Variants in MON1A observed in about 807,000 individuals in gnomAD.
MON1A encodes MON1 vesicular trafficking associated A, also known as vacuolar fusion protein MON1 homolog A.
Under a neutral mutation model 44.6 loss-of-function variants are expected in MON1A, and 29 were observed. That is an observed-to-expected ratio of 0.65 (90% CI 0.48 to 0.89). MON1A has a LOEUF of 0.89. MON1A is among the 40% of genes least tolerant of loss of function. The pLI is 0.00. For synonymous variants in MON1A, 275 were observed against 316.4 expected (o/e 0.87, Z 1.39); for missense variants, 615 against 759.6 (o/e 0.81, Z 2.24).
Position 49,929,664 on chromosome 3 carries a change from G to A in MON1A, c.-69C>T. On this transcript the variant is annotated 5_prime_UTR_variant, in exon 1 of 6. Transcript: ENST00000296473. Reference sequence around the variant, plus strand: ...AAGGTGCCGGTCACTGCCCTCTGCCGGACCCATGGAGGGGTAAGGGTGTCC... The same window carrying A: ...AAGGTGCCGGTCACTGCCCTCTGCCAGACCCATGGAGGGGTAAGGGTGTCC... 20 of 1,551,366 alleles carry A rather than the reference G, an allele frequency of 1.3e-5. No individual in the cohort carries two copies. The highest frequency in any genetic ancestry group is 2.0e-5 in the Admixed American group (1 of 51,006).
chr3:49,929,460 G>T, intron 1 of MON1A, 149 bp downstream of exon 1: 1 of 915,474 alleles, frequency 1.1e-6, no homozygotes, highest in Non-Finnish European at 1.7e-6. Context: ...GGACTAGCCG[G>T]CTGAGGGACC....
Position 49,910,781 on chromosome 3 carries a change from G to A in MON1A, c.717C>T (p.Ile239=), listed in dbSNP as rs927084702. 5 of 1,614,008 alleles carry A rather than the reference G, an allele frequency of 3.1e-6. No homozygotes were observed. The highest frequency in any genetic ancestry group is 2.7e-5 in the African/African-American group (2 of 74,936). The change falls in exon 4 of 6, where the codon ATC becomes ATT. Residue 239 remains isoleucine (I), a synonymous_variant. Coordinates refer to ENST00000296473, the MANE Select transcript of MON1A (RefSeq NM_032355.4). This position sits in a 1 kb window ranked among gnomAD's most constrained non-coding sequence, Gnocchi z 8.0. The stretch of plus-strand genomic sequence containing the variant: ...TAAGAAGGCTTAGGATCTGGTAGTA[G>A]ATGTAGAGCAGCTCCTGCGCCAGCT... The part of the protein sequence containing the change: ...AQELAQELLY[I]YYQILSLLTG...
rs2083075722 is a variant in MON1A at position 49,929,417 on chromosome 3, T to C, written c.-14+192A>G. The C allele has an allele frequency of 2.2e-5, 15 of 692,744 alleles. No homozygotes were observed. In the South Asian group the frequency reaches 2.6e-4, roughly 12 times the overall value. The allele number at this position is 692,744 out of a possible 1,614,324, so 42.9% of individuals were successfully genotyped here. A position where few individuals can be genotyped will look rare whatever the true frequency, so the allele number is the denominator to read the frequency against. On this transcript the variant is annotated intron_variant, in intron 1 of 5. Coordinates refer to ENST00000296473, the MANE Select transcript of MON1A (RefSeq NM_032355.4). ...CTCGCCCTCCCAGCCAAAGGATGGG[T>C]TCCAGATCTCGCCTTTTGTATTCCC...
In MON1A at chr3:49,909,334, G is replaced by A. The variant is rs1426520293; in HGVS notation, c.1446C>T (p.Tyr482=). Residue 482 remains tyrosine, a synonymous_variant, in exon 5 of 6, where the codon TAC becomes TAT. Coordinates refer to ENST00000296473, the MANE Select transcript of MON1A (RefSeq NM_032355.4). This position sits in a 1 kb window ranked among gnomAD's most constrained non-coding sequence, Gnocchi z 4.0. The part of the protein sequence containing the change: ...EQERLLGLYQ[Y]LHSRAHNASR... ...AGGCATTGTGGGCACGACTGTGCAA[G>A]TACTGGTAGAGGCCCAGCAGCCGCT... 1 of 1,613,964 alleles carries A rather than the reference G, an allele frequency of 6.2e-7. No individual in the cohort carries two copies. Among genetic ancestry groups the A allele is most frequent in the Non-Finnish European group, 8.5e-7 (1 of 1,180,018 alleles).
At position 49,909,392 on chromosome 3, in the gene MON1A, A is replaced by G. The variant is rs765508531; in HGVS notation, c.1388T>C (p.Ile463Thr). 1.2e-6 allele frequency: 2 copies of G among 1,614,058 alleles called. No individual in the cohort carries two copies. The highest frequency in any genetic ancestry group is 1.1e-5 in the South Asian group (1 of 91,082). ...KSSGLFTSPE[I>T]EAPYTSEEEQ... ...CTCTTCACTGGTGTATGGGGCCTCA[A>G]TCTCAGGGCTGCAGACAGGGTGGAG... Residue 463 changes from isoleucine to threonine, a missense_variant, in exon 5 of 6, where the codon ATT becomes ACT. Ile to Thr is a moderately conservative substitution (Grantham distance 89, BLOSUM62 -1). Coordinates refer to ENST00000296473, the MANE Select transcript of MON1A (RefSeq NM_032355.4). The surrounding 1 kb of genome is among the most constrained non-coding windows in gnomAD (Gnocchi z 4.0).
intron 1 of MON1A, among the ~76,000 whole-genome samples, chr3:49,918,196 G>A (rs978264037): frequency 6.6e-6 from 1 of 151,928 alleles, no homozygotes; most frequent in African/African-American, 2.4e-5. Context: ...AATTAGCCAG[G>A]TGTGGTGGCA....
rs1270934378 is a variant in MON1A at position 49,910,540 on chromosome 3, A to C, written c.958T>G (p.Phe320Val). ...TGGTTGCGGGCCAGCAGGATGGAGAAGACCAGGCTGCGCGCACGCGCCTGC... is the reference window on the plus strand; with the variant it reads ...TGGTTGCGGGCCAGCAGGATGGAGACGACCAGGCTGCGCGCACGCGCCTGC... The part of the protein sequence containing the change: ...LQQARARSLV[F>V]SILLARNQLV... Residue 320 changes from phenylalanine to valine, a missense_variant, in exon 4 of 6, where the codon TTC becomes GTC. By Grantham distance (50) the Phe-to-Val change is conservative. Coordinates refer to ENST00000296473, the MANE Select transcript of MON1A (RefSeq NM_032355.4). This position sits in a 1 kb window ranked among gnomAD's most constrained non-coding sequence, Gnocchi z 8.0. The C allele has an allele frequency of 3.7e-6, 6 of 1,613,590 alleles. No homozygotes were observed. Among genetic ancestry groups the C allele is most frequent in the Non-Finnish European group, 4.2e-6 (5 of 1,179,774 alleles).
In MON1A at chr3:49,911,792, C is replaced by T. The variant is rs751517564; in HGVS notation, c.347G>A (p.Ser116Asn). ...TGGGGGTTCCAGCCAATCCTCAGAGCTTCCTGGCAGCATCTCCTCCTGCAG... is the reference window on the plus strand; with the variant it reads ...TGGGGGTTCCAGCCAATCCTCAGAGTTTCCTGGCAGCATCTCCTCCTGCAG... Reference protein sequence around the residue: ...RDLQEEMLPGSSEDWLEPPGA... With the variant: ...RDLQEEMLPGNSEDWLEPPGA... The change falls in exon 3 of 6, where the codon AGC (serine) becomes AAC (asparagine). Residue 116 changes from serine to asparagine, a missense_variant. Ser to Asn is a conservative substitution (Grantham distance 46). Transcript: ENST00000296473. This position sits in a 1 kb window ranked among gnomAD's most constrained non-coding sequence, Gnocchi z 5.7. The T allele has an allele frequency of 8.7e-6, 14 of 1,613,788 alleles. No individual in the cohort carries two copies. In the South Asian group the frequency reaches 1.5e-4, roughly 18 times the overall value.
intron 1 of MON1A, among the ~76,000 whole-genome samples, chr3:49,922,993 G>A (rs1043682973): frequency 6.6e-6 from 1 of 151,522 alleles, no homozygotes; most frequent in Admixed American, 6.6e-5. Context: ...ACAGGTGTGA[G>A]CCACCACACC....
chr3:49,920,155 A>G (rs1459126866), intron 1 of MON1A, among the ~76,000 whole-genome samples: 1 of 152,168 alleles, frequency 6.6e-6, no homozygotes, highest in Non-Finnish European at 1.5e-5. Context: ...TGCTCCCATC[A>G]AGGTCACCAA....
intron 1 of MON1A, among the ~76,000 whole-genome samples, chr3:49,918,350 C>CA (rs902779750): frequency 4.7e-5 from 7 of 149,170 alleles, no homozygotes; most frequent in South Asian, 4.3e-4. Context: ...AAAAAAAGAA[C>CA]AAAAAAAAAG....
rs772674021 is a variant in MON1A, at chr3:49,913,337, CA to C, written c.9del (p.Asp4ThrfsTer15). 5 of 1,611,990 alleles carry C rather than the reference CA, an allele frequency of 3.1e-6. No homozygotes were observed. The highest frequency in any genetic ancestry group is 3.4e-6 in the Non-Finnish European group (4 of 1,178,188). On this transcript the variant is annotated frameshift_variant, in exon 2 of 6. Transcript: ENST00000296473. LOFTEE classifies it high-confidence loss of function. Reference sequence around the variant, plus strand: ...TCGCTGCTTCTCTTCCTCTGCATGTCAGTAGCCATCCTTTGAGCTCTCCTGT... The same window carrying C: ...TCGCTGCTTCTCTTCCTCTGCATGTCGTAGCCATCCTTTGAGCTCTCCTGT... MA[T>X]DMQRKRSSEC...
In MON1A at chr3:49,910,827, C is replaced by G. The variant is rs1317549955; in HGVS notation, c.671G>C (p.Arg224Pro). 6.2e-7 allele frequency: 1 copy of G among 1,609,996 alleles called. No homozygotes were observed. Among genetic ancestry groups the G allele is most frequent in the East Asian group, 2.2e-5 (1 of 44,866 alleles). Residue 224 changes from arginine (R) to proline (P), a missense_variant, in exon 4 of 6, where the codon CGT becomes CCT. Arg to Pro is a moderately radical substitution (Grantham distance 103). Coordinates refer to ENST00000296473, the MANE Select transcript of MON1A (RefSeq NM_032355.4). This position sits in a 1 kb window ranked among gnomAD's most constrained non-coding sequence, Gnocchi z 8.0. Reference protein sequence around the residue: ...RSPLVLVAVARTRQSAQELAQ... With the variant: ...RSPLVLVAVAPTRQSAQELAQ... The stretch of plus-strand genomic sequence containing the variant: ...CAGCTCTTGTGCCGACTGCCGCGTA[C>G]GAGCCACCGCCACTAGCACCAGCGG...
intron 2 of MON1A, 40 bp downstream of exon 2, chr3:49,913,180 T>C: frequency 6.2e-7 from 1 of 1,614,166 alleles, no homozygotes; most frequent in Non-Finnish European, 8.5e-7. Context: ...TGGAGACTGC[T>C]CTGGTTGGCA....
At chr3:49,913,658 G>GTTTTTTTTTTTTTTT (rs1559493127) in intron 1 of MON1A, among the ~76,000 whole-genome samples, 114 of 121,396 alleles carry the variant, frequency 9.4e-4, no homozygotes, top group African/African-American at 1.3e-3. Flanking sequence ...TTTCCTTCTA[G>GTTTTTTTTTTTTTTT]TATTTTTTTT....
Position 49,911,876 on chromosome 3 carries a change from C to G in MON1A, c.263G>C (p.Arg88Pro), listed in dbSNP as rs375068093. ...CTCGCTAAAGTCCTGGCTGATCTGGCGCATGTCTGTAGGCAGCGGCGGGGG... is the reference window on the plus strand; with the variant it reads ...CTCGCTAAAGTCCTGGCTGATCTGGGGCATGTCTGTAGGCAGCGGCGGGGG... ...RGPPPLPTDM[R>P]QISQDFSELS... Residue 88 changes from arginine (R) to proline (P), a missense_variant, in exon 3 of 6, where the codon CGC (arginine) becomes CCC (proline). Coordinates refer to ENST00000296473, the MANE Select transcript of MON1A (RefSeq NM_032355.4). The surrounding 1 kb of genome is among the most constrained non-coding windows in gnomAD (Gnocchi z 5.7). 8.7e-6 allele frequency: 14 copies of G among 1,613,986 alleles called. No individual in the cohort carries two copies. The highest frequency in any genetic ancestry group is 1.1e-5 in the Non-Finnish European group (13 of 1,180,014).
chr3:49,928,578 G>C (rs2083069814), intron 1 of MON1A, among the ~76,000 whole-genome samples: 1 of 152,110 alleles, frequency 6.6e-6, no homozygotes, highest in African/African-American at 2.4e-5. Context: ...CCTTGGAGCA[G>C]AGAAGGCCTT....
At chr3:49,926,100 C>T (rs974664065) in intron 1 of MON1A, among the ~76,000 whole-genome samples, 6 of 152,204 alleles carry the variant, frequency 3.9e-5, no homozygotes, top group Non-Finnish European at 8.8e-5. Flanking sequence ...CAAGGCCCCA[C>T]TCAACATAAC....
intron 1 of MON1A, among the ~76,000 whole-genome samples, chr3:49,927,727 G>A (rs756257161): frequency 6.6e-6 from 1 of 152,034 alleles, no homozygotes; most frequent in Non-Finnish European, 1.5e-5. Flanking sequence ...GCTCTTGGAA[G>A]TATCTCCTAA....
Sources: allele counts gnomAD v4.1 joint callset (sites outside exome capture counted in the v4.1 genomes callset), GRCh38; gene constraint gnomAD v4.1.1; non-coding constraint Gnocchi (gnomAD v3.1); transcripts MANE v1.5; gene names NCBI Gene and HGNC (gene_info 2026-07-23, HGNC 2026-07-21).